The following ANTXR1 variants were observed in gnomAD, a reference collection of about 807,000 sequenced individuals.
The protein encoded by ANTXR1 is anthrax toxin receptor 1.
Under a neutral mutation model 78.1 loss-of-function variants are expected in ANTXR1, and 19 were observed. The ratio of observed to expected loss-of-function variants is 0.24; its 90% CI spans 0.17 to 0.36. ANTXR1 has a LOEUF of 0.36. Among genes scored for constraint, ANTXR1 ranks in the 10% least tolerant of loss-of-function variants. ANTXR1 has a pLI of 1.00. For synonymous variants in ANTXR1, 273 were observed against 260.5 expected (o/e 1.05, Z -0.46); for missense variants, 518 against 718.6 (o/e 0.72, Z 3.19).
chr2:69,152,507 G>A (rs1418200899), intron 13 of ANTXR1, among the ~76,000 whole-genome samples: 2 of 152,174 alleles, frequency 1.3e-5, no homozygotes, highest in Non-Finnish European at 2.9e-5. Flanking sequence ...GGCAACTGGG[G>A]TGGCCGCTTT....
chr2:69,143,912 G>C (rs1265242982), intron 12 of ANTXR1, among the ~76,000 whole-genome samples: 5 of 152,194 alleles, frequency 3.3e-5, no homozygotes, highest in Admixed American at 3.3e-4. Flanking sequence ...ATGCAGGGCA[G>C]AGTGGGCGGA....
At chr2:69,145,294 G>A (rs1486615775) in intron 12 of ANTXR1, 2 of 1,561,566 alleles carry the variant, frequency 1.3e-6, no homozygotes, top group African/African-American at 1.4e-5. Flanking sequence ...TTATAATTTT[G>A]CATTTGTATT....
intron 8 of ANTXR1, among the ~76,000 whole-genome samples, chr2:69,081,249 G>C (rs1670893024): frequency 6.6e-6 from 1 of 152,192 alleles, no homozygotes; most frequent in Admixed American, 6.5e-5. Flanking sequence ...CTCAGCTCTG[G>C]TTCCAAAGAT....
intron 17 of ANTXR1, among the ~76,000 whole-genome samples, chr2:69,210,084 A>G (rs1675002720): frequency 6.6e-6 from 1 of 152,164 alleles, no homozygotes. Flanking sequence ...AATGGTGAGA[A>G]GTGGATGGAG....
At chr2:69,086,066 A>G (rs1312813344) in intron 8 of ANTXR1, among the ~76,000 whole-genome samples, 2 of 152,252 alleles carry the variant, frequency 1.3e-5, no homozygotes, top group Non-Finnish European at 2.9e-5. Context: ...AAAGACACCT[A>G]TACCATCAAG....
chr2:69,036,949 A>G (rs569686439), intron 1 of ANTXR1, among the ~76,000 whole-genome samples: 1 of 152,340 alleles, frequency 6.6e-6, no homozygotes, highest in South Asian at 2.1e-4. Flanking sequence ...GAGGATGGCC[A>G]GGTCTTTATG....
intron 9 of ANTXR1, among the ~76,000 whole-genome samples, chr2:69,094,281 T>TTAAAGGC (rs1268715134): frequency 1.3e-5 from 2 of 152,190 alleles, no homozygotes; most frequent in Non-Finnish European, 2.9e-5. Flanking sequence ...TTAATAAGGA[T>TTAAAGGC]TAAAGGCCAG....
At chr2:69,218,434 G>A (rs532390349) in intron 17 of ANTXR1, among the ~76,000 whole-genome samples, 2 of 152,190 alleles carry the variant, frequency 1.3e-5, no homozygotes, top group Admixed American at 6.5e-5. Flanking sequence ...TTGTGTTGTC[G>A]GTGTAAAAGT....
chr2:69,207,464 C>T (rs1004478119), intron 17 of ANTXR1, among the ~76,000 whole-genome samples: 1 of 151,906 alleles, frequency 6.6e-6, no homozygotes, highest in Non-Finnish European at 1.5e-5. Flanking sequence ...TAGCACTGCC[C>T]GAAGAGAGAG....
Position 69,106,544 on chromosome 2 carries a change from C to T in ANTXR1, c.802+3604C>T, listed in dbSNP as rs375741915. On this transcript the variant is annotated intron_variant, in intron 10 of 17. Transcript: ENST00000303714. ...AGGCATCACACAAAAACAGAGCCCC[C>T]TGCAGAAATCAGGCTCCAGCAGGAT... Among the ~76,000 whole-genome samples the T allele has an allele frequency of 5.3e-5, 8 of 152,324 alleles. No homozygotes were observed. In the East Asian group the frequency reaches 1.5e-3, roughly 29 times the overall value.
intron 13 of ANTXR1, among the ~76,000 whole-genome samples, chr2:69,154,137 G>A (rs958784074): frequency 6.6e-6 from 1 of 152,160 alleles, no homozygotes; most frequent in Admixed American, 6.5e-5. Context: ...GTTATTGGAA[G>A]CAATGTCACC....
chr2:69,039,390 T>A (rs752930253), intron 1 of ANTXR1, among the ~76,000 whole-genome samples: 1 of 152,242 alleles, frequency 6.6e-6, no homozygotes, highest in Admixed American at 6.5e-5. Flanking sequence ...TTCCTTCTTT[T>A]GTCACTAAGA....
rs1023137022 is a variant in ANTXR1, at chr2:69,016,525, T to G, written c.152+2874T>G. 2.0e-5 allele frequency among the ~76,000 whole-genome samples: 3 copies of G among 152,352 alleles called. No individual in the cohort carries two copies. In the East Asian group the frequency reaches 5.8e-4, roughly 29 times the overall value. On this transcript the variant is annotated intron_variant, in intron 1 of 17. Coordinates refer to ENST00000303714, the MANE Select transcript of ANTXR1 (RefSeq NM_032208.3). ...CTAAGGTATGATATGTGTATAGTATTGAACCTGCATTGCATGTTATACAAG... is the reference window on the plus strand; with the variant it reads ...CTAAGGTATGATATGTGTATAGTATGGAACCTGCATTGCATGTTATACAAG...
intron 10 of ANTXR1, among the ~76,000 whole-genome samples, chr2:69,112,282 A>G (rs1195700793): frequency 6.6e-6 from 1 of 152,098 alleles, no homozygotes; most frequent in East Asian, 1.9e-4. Flanking sequence ...TTGAATCCCC[A>G]TTTTGCTGAT....
Position 69,176,852 on chromosome 2 carries a change from G to A in ANTXR1, c.1090-4934G>A, listed in dbSNP as rs73934776. 8.6e-3 allele frequency among the ~76,000 whole-genome samples: 1,309 copies of A among 152,316 alleles called. 21 individuals are homozygous for A. The highest frequency in any genetic ancestry group is 0.029 in the African/African-American group (1,196 of 41,570). On this transcript the variant is annotated intron_variant, in intron 14 of 17. Coordinates refer to ENST00000303714, the MANE Select transcript of ANTXR1 (RefSeq NM_032208.3). ...TCATTGATAGTTCCTATTGAAACCT[G>A]CAGTGAACTGGGAGTTGTAAGCCTT... is the stretch of plus-strand genomic sequence containing the variant.
chr2:69,133,242 C>G (rs1302781560), intron 12 of ANTXR1, among the ~76,000 whole-genome samples: 1 of 152,192 alleles, frequency 6.6e-6, no homozygotes, highest in Non-Finnish European at 1.5e-5. Flanking sequence ...CAAACTGTTT[C>G]TCAATACCAG....
chr2:69,179,265 G>T (rs1452094500), intron 14 of ANTXR1, among the ~76,000 whole-genome samples: 1 of 152,114 alleles, frequency 6.6e-6, no homozygotes, highest in Non-Finnish European at 1.5e-5. Context: ...TCAAAATTAA[G>T]TCCATGTGCG....
At chr2:69,224,108 A>G (rs979355858) in intron 17 of ANTXR1, among the ~76,000 whole-genome samples, 1 of 152,224 alleles carries the variant, frequency 6.6e-6, no homozygotes, top group African/African-American at 2.4e-5. Context: ...GATGACCTGT[A>G]CTGATACAGA....
intron 9 of ANTXR1, among the ~76,000 whole-genome samples, chr2:69,098,296 G>A (rs1386940832): frequency 6.6e-6 from 1 of 152,172 alleles, no homozygotes; most frequent in Non-Finnish European, 1.5e-5. Flanking sequence ...AAAAGTTCTA[G>A]AACAATTCAG....
Sources: gnomAD v4.1 joint callset for allele counts (sites outside exome capture counted in the v4.1 genomes callset) on GRCh38, gnomAD v4.1.1 for gene constraint, MANE v1.5 for transcripts, NCBI Gene and HGNC (gene_info 2026-07-23, HGNC 2026-07-21) for gene names.